PTPRT: variants seen among roughly 807,000 people sequenced by gnomAD.
The protein encoded by PTPRT is receptor-type tyrosine-protein phosphatase T.
PTPRT carries 56 observed loss-of-function variants against 176.8 expected under a neutral mutation model. The observed-to-expected ratio is 0.32, with a 90% confidence interval of 0.26 to 0.40. The LOEUF (loss-of-function observed/expected upper bound fraction) is 0.40, where lower values mean the gene tolerates loss of function less well. PTPRT is among the 10% of genes least tolerant of loss of function. The pLI, the probability that PTPRT is intolerant of heterozygous loss-of-function variation, is 1.00. For synonymous variants in PTPRT, 783 were observed against 739.0 expected (o/e 1.06, Z -0.96); for missense variants, 1,540 against 1,908.2 (o/e 0.81, Z 3.60).
chr20:42,773,810 G>A (rs2077096487), intron 4 of PTPRT, among the ~76,000 whole-genome samples: 1 of 152,200 alleles, frequency 6.6e-6, no homozygotes, highest in African/African-American at 2.4e-5. Flanking sequence ...CAGGTGGGGA[G>A]GGAGTGCAGA....
At chr20:42,863,559 T>C (rs2078697098) in intron 2 of PTPRT, among the ~76,000 whole-genome samples, 1 of 152,214 alleles carries the variant, frequency 6.6e-6, no homozygotes, top group Non-Finnish European at 1.5e-5. Context: ...GAGTAGTAAC[T>C]GATGAACAAG....
intron 7 of PTPRT, among the ~76,000 whole-genome samples, chr20:42,550,958 G>A (rs958790279): frequency 1.3e-5 from 2 of 152,084 alleles, no homozygotes; most frequent in Admixed American, 6.6e-5. Flanking sequence ...TGTGGTCATC[G>A]GAATTGGACT....
intron 7 of PTPRT, among the ~76,000 whole-genome samples, chr20:42,660,270 T>C (rs868415194): frequency 5.9e-5 from 9 of 152,138 alleles, no homozygotes; most frequent in Middle Eastern, 3.2e-3. Context: ...CCCACTCTGA[T>C]AGGTTCTCTT....
At chr20:42,233,823 G>A (rs1441179002) in intron 15 of PTPRT, among the ~76,000 whole-genome samples, 2 of 152,180 alleles carry the variant, frequency 1.3e-5, no homozygotes, top group South Asian at 4.1e-4. Context: ...CCCACTGCTG[G>A]TATGAGCTTC....
intron 15 of PTPRT, among the ~76,000 whole-genome samples, chr20:42,232,619 C>A (rs2056156980): frequency 1.3e-5 from 2 of 151,156 alleles, no homozygotes; most frequent in African/African-American, 4.9e-5. Flanking sequence ...ATCTCCAAGG[C>A]CTCTCCCTCC....
Position 42,160,428 on chromosome 20 carries a change from C to A in PTPRT, c.2682+924G>T, listed in dbSNP as rs529092177. 3.4e-5 allele frequency among the ~76,000 whole-genome samples: 5 copies of A among 147,312 alleles called. No homozygotes were observed. The Admixed American group carries it at 3.5e-4, about 10-fold the overall frequency. ...GCTTTTTGTTTGTAAAACGTGAGGC[C>A]TAATGGGCAGGATTTGAAACAAAAA... On this transcript the variant is annotated intron_variant, in intron 17 of 30. Transcript: ENST00000373187.
At chr20:42,885,982 G>A in intron 1 of PTPRT, 50 bp from the exon 2 acceptor site, 1 of 1,495,546 alleles carries the variant, frequency 6.7e-7, no homozygotes, top group Non-Finnish European at 9.0e-7. Context: ...CTGAGGCTTG[G>A]TTCGTTACCT....
chr20:43,045,205 G>T (rs1986783136), intron 1 of PTPRT, among the ~76,000 whole-genome samples: 1 of 152,216 alleles, frequency 6.6e-6, no homozygotes, highest in South Asian at 2.1e-4. Flanking sequence ...CCAAAGGGTA[G>T]AGGATTTGGC....
At chr20:42,988,788 G>A (rs755409749) in intron 1 of PTPRT, among the ~76,000 whole-genome samples, 6 of 152,136 alleles carry the variant, frequency 3.9e-5, no homozygotes, top group South Asian at 4.1e-4. Flanking sequence ...AGAGTCAACC[G>A]GAGGGACATG....
chr20:42,163,098 T>C (rs1989677059), intron 16 of PTPRT, among the ~76,000 whole-genome samples: 1 of 152,214 alleles, frequency 6.6e-6, no homozygotes, highest in African/African-American at 2.4e-5. Context: ...GGATAAATTT[T>C]TCACTTTGCA....
chr20:43,105,349 G>T (rs1010933520), intron 1 of PTPRT, among the ~76,000 whole-genome samples: 1 of 151,622 alleles, frequency 6.6e-6, no homozygotes. Flanking sequence ...CCCCTTCATA[G>T]GGACCAATAG....
At chr20:42,310,594 A>G (rs2057612372) in intron 12 of PTPRT, among the ~76,000 whole-genome samples, 1 of 152,210 alleles carries the variant, frequency 6.6e-6, no homozygotes, top group African/African-American at 2.4e-5. Flanking sequence ...CTGAAGCAAT[A>G]CAATGTGTTG....
chr20:42,733,227 C>T (rs1173254101), intron 6 of PTPRT, among the ~76,000 whole-genome samples: 1 of 152,180 alleles, frequency 6.6e-6, no homozygotes, highest in East Asian at 1.9e-4. Flanking sequence ...TCTTAGAAAG[C>T]CAGGAGGGTG....
intron 6 of PTPRT, among the ~76,000 whole-genome samples, chr20:42,678,593 C>T (rs2075549482): frequency 6.6e-6 from 1 of 152,210 alleles, no homozygotes; most frequent in South Asian, 2.1e-4. Flanking sequence ...CATGAGCCAA[C>T]ACGCCTGGCC....
intron 27 of PTPRT, among the ~76,000 whole-genome samples, chr20:42,096,869 C>G (rs1344007950): frequency 6.6e-6 from 1 of 150,826 alleles, no homozygotes; most frequent in Non-Finnish European, 1.5e-5. Flanking sequence ...AGCCACCATG[C>G]CCAGCCTCTA....
intron 15 of PTPRT, 107 bp downstream of exon 15, chr20:42,236,118 TAGAC>T (rs1205956146): frequency 6.3e-6 from 6 of 946,016 alleles, no homozygotes; most frequent in Middle Eastern, 2.2e-4. Flanking sequence ...ACAGACAACT[TAGAC>T]AGAAGTGAAA....
At chr20:42,252,343 G>A (rs1181292870) in intron 13 of PTPRT, among the ~76,000 whole-genome samples, 1 of 152,194 alleles carries the variant, frequency 6.6e-6, no homozygotes, top group Non-Finnish European at 1.5e-5. Flanking sequence ...AAAAATGTGT[G>A]AGTCATATGT....
intron 9 of PTPRT, among the ~76,000 whole-genome samples, chr20:42,408,398 G>A (rs1249625270): frequency 1.3e-5 from 2 of 152,094 alleles, no homozygotes; most frequent in Non-Finnish European, 1.5e-5. Flanking sequence ...GTGTGTGTAT[G>A]TGTGTCTGTG....
intron 7 of PTPRT, among the ~76,000 whole-genome samples, chr20:42,539,636 A>G (rs762252334): frequency 6.6e-6 from 1 of 151,692 alleles, no homozygotes; most frequent in Admixed American, 6.6e-5. Flanking sequence ...CTTGTTGACA[A>G]CTAAAAAAAA....
Sources: allele counts gnomAD v4.1 joint callset (sites outside exome capture counted in the v4.1 genomes callset), GRCh38; gene constraint gnomAD v4.1.1; transcripts MANE v1.5; gene names NCBI Gene and HGNC (gene_info 2026-07-23, HGNC 2026-07-21).